The following PSG9 variants were observed in gnomAD, a reference collection of about 807,000 sequenced individuals.
The protein encoded by PSG9 is pregnancy specific beta-1-glycoprotein 9.
In PSG9, 49 loss-of-function variants were observed where a neutral mutation model predicts 41.9. The ratio of observed to expected loss-of-function variants is 1.17; its 90% CI spans 0.93 to 1.48. The LOEUF is 1.48. Ranked by LOEUF, PSG9 falls within the 40% of genes most tolerant of loss-of-function variation. PSG9 has a pLI of 0.00. For missense variants in PSG9, 641 were observed against 520.3 expected (o/e 1.23, Z -2.26); for synonymous variants, 263 against 196.8 (o/e 1.34, Z -2.82).
chr19:43,269,112 C>T (rs1277888093), intron 1 of PSG9, among the ~76,000 whole-genome samples: 1 of 152,022 alleles, frequency 6.6e-6, no homozygotes, highest in African/African-American at 2.4e-5. Context: ...TCACATGATT[C>T]TCCCACCTCA....
In PSG9 at chr19:43,253,602, G is replaced by T. The variant is rs199860983; in HGVS notation, c.*7C>A. ...TGTTCTTTTTCTCAGTGTCTCAGTT[G>T]TTGCAGTCATGACTGAGACTCTGTC... On this transcript the variant is annotated 3_prime_UTR_variant, in exon 6 of 6. Transcript: ENST00000270077. The T allele has an allele frequency of 0.012, 9,684 of 811,980 alleles. 564 individuals carry two copies. The highest frequency in any genetic ancestry group is 0.015 in the Non-Finnish European group (7,294 of 475,460). The allele number at this position is 811,980 out of a possible 1,614,324, so 50.3% of individuals were successfully genotyped here.
chr19:43,265,688 G>A (rs1968932457), intron 2 of PSG9, among the ~76,000 whole-genome samples: 3 of 152,060 alleles, frequency 2.0e-5, no homozygotes, highest in South Asian at 4.1e-4. Flanking sequence ...TCCGACTACA[G>A]ACCACCATTT....
At chr19:43,268,343 C>G (rs1454086164) in intron 1 of PSG9, among the ~76,000 whole-genome samples, 194 bp from the exon 2 acceptor site, 1 of 152,066 alleles carries the variant, frequency 6.6e-6, no homozygotes, top group Non-Finnish European at 1.5e-5. Flanking sequence ...TACTGTCCTA[C>G]TAGGTCAAGG....
chr19:43,265,790 G>T (rs1384696702), intron 2 of PSG9, among the ~76,000 whole-genome samples: 1 of 152,146 alleles, frequency 6.6e-6, no homozygotes, highest in African/African-American at 2.4e-5. Flanking sequence ...CCTGTCCCAT[G>T]TTCTTGTCCA....
At position 43,264,178 on chromosome 19, in the gene PSG9, C is replaced by T. The variant is rs142581471; in HGVS notation, c.431-2040G>A. Among the ~76,000 whole-genome samples the T allele has an allele frequency of 5.2e-3, 785 of 152,162 alleles. 30 individuals carry two copies. In the East Asian group the frequency reaches 0.097, roughly 19 times the overall value. ...AAACCATTAGATATCACCCACCTGG[C>T]CACCTCCAACTGGTCCCCAAAAACC... On this transcript the variant is annotated intron_variant, in intron 2 of 5. Transcript: ENST00000270077.
Position 43,253,670 on chromosome 19 carries a change from A to G in PSG9, c.1244-24T>C. 9 of 1,221,304 alleles carry G rather than the reference A, an allele frequency of 7.4e-6. 1 individual carries two copies. The highest frequency in any genetic ancestry group is 4.9e-5 in the African/African-American group (3 of 60,692). 75.7% of individuals were successfully genotyped at this position (1,221,304 alleles called of 1,614,324 possible). On this transcript the variant is annotated intron_variant, in intron 5 of 5. Coordinates refer to ENST00000270077, the MANE Select transcript of PSG9 (RefSeq NM_002784.5). ...ACCTGATTGACAGAAGGCCCAGGTCAGTGCATTTCAAATTCACTACCTCCT... is the reference window on the plus strand; with the variant it reads ...ACCTGATTGACAGAAGGCCCAGGTCGGTGCATTTCAAATTCACTACCTCCT...
At position 43,268,164 on chromosome 19, in the gene PSG9, C is replaced by G. The variant is rs764517276; in HGVS notation, c.65-15G>C. On this transcript the variant is annotated splice_polypyrimidine_tract_variant and intron_variant, in intron 1 of 5. Coordinates refer to ENST00000270077, the MANE Select transcript of PSG9 (RefSeq NM_002784.5). ...TAAAAGTGATGCTAGGAGGGGGAGA[C>G]AGCATCAGTTAATATTGAGACCTAT... is the stretch of plus-strand genomic sequence containing the variant. The G allele has an allele frequency of 1.2e-5, 19 of 1,583,956 alleles. No individual in the cohort carries two copies. The highest frequency in any genetic ancestry group is 8.8e-5 in the Admixed American group (5 of 56,788).
Position 43,259,048 on chromosome 19 carries a change from C to T in PSG9, c.797G>A (p.Ser266Asn), listed in dbSNP as rs1968582570. ...CCACCAAATGTAGGTGTAGTTCTCA[C>T]TCTTAGGTTCACAGGTGAAGGCTAA... ...DVLAFTCEPK[S>N]ENYTYIWWLN... The change falls in exon 4 of 6, where the codon AGT (serine) becomes AAT (asparagine). Residue 266 changes from serine (S) to asparagine (N), a missense_variant. Transcript: ENST00000270077. 1.3e-6 allele frequency: 2 copies of T among 1,590,604 alleles called. No individual in the cohort carries two copies. The highest frequency in any genetic ancestry group is 5.3e-5 in the East Asian group (2 of 37,558).
chr19:43,258,101 G>A lies in PSG9; in HGVS notation c.1243+101C>T, dbSNP rs780521748. 3.8e-5 allele frequency: 60 copies of A among 1,590,102 alleles called. 7 individuals carry two copies. Among genetic ancestry groups the A allele is most frequent in the Middle Eastern group, 2.2e-4 (1 of 4,478 alleles). Reference sequence around the variant, plus strand: ...GAATTTGGGATTTGCTTGTGCCCATGGGACACAGGCTGGGAATAAAAATGT... The same window carrying A: ...GAATTTGGGATTTGCTTGTGCCCATAGGACACAGGCTGGGAATAAAAATGT... On this transcript the variant is annotated intron_variant, in intron 5 of 5. Transcript: ENST00000270077.
intron 5 of PSG9, chr19:43,257,425 G>A (rs1430496078): frequency 2.0e-6 from 2 of 977,176 alleles, no homozygotes; most frequent in Non-Finnish European, 2.4e-6. Context: ...AACCCCAACG[G>A]TGAATCTCCC....
intron 5 of PSG9, among the ~76,000 whole-genome samples, chr19:43,254,343 C>T (rs1181622130): frequency 6.8e-6 from 1 of 146,382 alleles, no homozygotes; most frequent in African/African-American, 2.6e-5. Context: ...GACCTCAAGG[C>T]TAATGATGAT....
chr19:43,256,262 A>T (rs1293325577), intron 5 of PSG9, among the ~76,000 whole-genome samples: 1 of 146,832 alleles, frequency 6.8e-6, no homozygotes, highest in African/African-American at 2.6e-5. Flanking sequence ...CTTAGAAGAA[A>T]AGCTTCATGA....
rs142959558 is a variant in PSG9 at position 43,268,321 on chromosome 19, G to A, written c.65-172C>T. 5.5e-3 allele frequency among the ~76,000 whole-genome samples: 838 copies of A among 152,122 alleles called. 5 individuals carry two copies. Among genetic ancestry groups the A allele is most frequent in the African/African-American group, 0.019 (802 of 41,480 alleles). On this transcript the variant is annotated intron_variant, in intron 1 of 5. Coordinates refer to ENST00000270077, the MANE Select transcript of PSG9 (RefSeq NM_002784.5). Reference sequence around the variant, plus strand: ...GGCATGTGTGTTTGTGTATGTGTATGTGTGTGTGTCCTACTGTCCTACTAG... The same window carrying A: ...GGCATGTGTGTTTGTGTATGTGTATATGTGTGTGTCCTACTGTCCTACTAG...
rs749081928 is a variant in PSG9, at chr19:43,258,929, C to G, written c.916G>C (p.Gly306Arg). ...ILPSVTRNET[G>R]PYQCEIRDRY... Reference sequence around the variant, plus strand: ...TCCCGTATTTCACATTGATAGGGTCCTGTTTCATTTCTCGTGACACTGGGT... The same window carrying G: ...TCCCGTATTTCACATTGATAGGGTCGTGTTTCATTTCTCGTGACACTGGGT... The change falls in exon 4 of 6, where the codon GGA (glycine) becomes CGA (arginine). Residue 306 changes from glycine (G) to arginine (R), a missense_variant. Physicochemically the swap from Gly to Arg is moderately radical, Grantham distance 125. Coordinates refer to ENST00000270077, the MANE Select transcript of PSG9 (RefSeq NM_002784.5). 11 of 1,589,834 alleles carry G rather than the reference C, an allele frequency of 6.9e-6. 2 individuals are homozygous for G. In the Admixed American group the frequency reaches 1.4e-4, roughly 20 times the overall value.
chr19:43,257,908 A>T (rs780851435), intron 5 of PSG9: 5 of 1,404,934 alleles, frequency 3.6e-6, no homozygotes, highest in Non-Finnish European at 4.6e-6. Flanking sequence ...CTTGATCTTG[A>T]GGACTCTCCT....
chr19:43,259,035 G>A lies in PSG9; in HGVS notation c.810C>T (p.Thr270=), dbSNP rs1268420418. 1.7e-5 allele frequency: 27 copies of A among 1,590,714 alleles called. 2 individuals are homozygous for A. The highest frequency in any genetic ancestry group is 2.3e-5 in the Non-Finnish European group (27 of 1,174,514). ...TCTGACCGTTTAGCCACCAAATGTA[G>A]GTGTAGTTCTCACTCTTAGGTTCAC... The part of the protein sequence containing the change: ...FTCEPKSENY[T]YIWWLNGQSL... Residue 270 remains threonine (T), a synonymous_variant, in exon 4 of 6, where the codon ACC becomes ACT. Transcript: ENST00000270077.
chr19:43,258,077 A>C, intron 5 of PSG9, 125 bp downstream of exon 5: 2 of 1,588,150 alleles, frequency 1.3e-6, no homozygotes, highest in Non-Finnish European at 8.5e-7. Context: ...TCAGGAGGAG[A>C]ATTTGGGATT....
rs557309486 is a variant in PSG9, at chr19:43,254,452, T to C, written c.1244-806A>G. 2.6e-4 allele frequency among the ~76,000 whole-genome samples: 38 copies of C among 146,574 alleles called. 5 individuals carry two copies. The South Asian group carries it at 5.2e-3, about 20-fold the overall frequency. On this transcript the variant is annotated intron_variant, in intron 5 of 5. Coordinates refer to ENST00000270077, the MANE Select transcript of PSG9 (RefSeq NM_002784.5). Reference sequence around the variant, plus strand: ...AAACAATGGTAAGAAGAAAGTACTCTCATTGCAATTTTCAGGTAAGGAATC... The same window carrying C: ...AAACAATGGTAAGAAGAAAGTACTCCCATTGCAATTTTCAGGTAAGGAATC...
At chr19:43,266,159 C>A (rs1302877796) in intron 2 of PSG9, among the ~76,000 whole-genome samples, 1 of 151,856 alleles carries the variant, frequency 6.6e-6, no homozygotes, top group Non-Finnish European at 1.5e-5. Flanking sequence ...ACTTCAGAGA[C>A]CCCAGGGCCC....
Sources: gnomAD v4.1 joint callset for allele counts (sites outside exome capture counted in the v4.1 genomes callset) on GRCh38, gnomAD v4.1.1 for gene constraint, MANE v1.5 for transcripts, NCBI Gene and HGNC (gene_info 2026-07-23, HGNC 2026-07-21) for gene names.